EPB41L5: variants seen among roughly 807,000 people sequenced by gnomAD.
The protein encoded by EPB41L5 is band 4.1-like protein 5.
A neutral mutation model predicts 106.6 loss-of-function variants in EPB41L5; 55 were observed. The observed-to-expected ratio is 0.52, with a 90% CI of 0.42 to 0.65. The LOEUF (loss-of-function observed/expected upper bound fraction) is 0.65, where lower values mean the gene tolerates loss of function less well. Among genes scored for constraint, EPB41L5 ranks in the 30% least tolerant of loss-of-function variants. The pLI, the probability that EPB41L5 is intolerant of heterozygous loss-of-function variation, is 0.00. For synonymous variants in EPB41L5, 297 were observed against 306.7 expected (o/e 0.97, Z 0.33); for missense variants, 871 against 882.1 (o/e 0.99, Z 0.16).
intron 22 of EPB41L5, among the ~76,000 whole-genome samples, chr2:120,165,323 G>GT (rs1687343574): frequency 6.6e-6 from 1 of 152,138 alleles, no homozygotes; most frequent in Non-Finnish European, 1.5e-5. Flanking sequence ...ATCTGTGGGG[G>GT]ATTGGTTCCA....
chr2:120,053,921 T>A (rs945827351), intron 3 of EPB41L5, among the ~76,000 whole-genome samples: 3 of 152,058 alleles, frequency 2.0e-5, no homozygotes, highest in Non-Finnish European at 2.9e-5. Flanking sequence ...ATTAGCCAGG[T>A]GCGGTGGTGT....
intron 18 of EPB41L5, among the ~76,000 whole-genome samples, chr2:120,138,919 C>G (rs1686052193): frequency 6.6e-6 from 1 of 151,894 alleles, no homozygotes; most frequent in African/African-American, 2.4e-5. Context: ...CTCATAGTAC[C>G]TGACTTCAAA....
intron 2 of EPB41L5, among the ~76,000 whole-genome samples, chr2:120,027,961 C>G (rs1336484037): frequency 6.6e-6 from 1 of 151,988 alleles, no homozygotes; most frequent in Non-Finnish European, 1.5e-5. Flanking sequence ...CTCCTGGGTT[C>G]AAGCGATTCT....
At chr2:120,094,936 T>A (rs1683645175) in intron 14 of EPB41L5, among the ~76,000 whole-genome samples, 1 of 152,188 alleles carries the variant, frequency 6.6e-6, no homozygotes. Context: ...CCTTTAAACT[T>A]ATTGAGACTT....
At position 120,077,239 on chromosome 2, in the gene EPB41L5, C is replaced by T. The variant is rs1269244122; in HGVS notation, c.637C>T (p.Pro213Ser). The T allele has an allele frequency of 6.2e-7, 1 of 1,609,796 alleles. No individual in the cohort carries two copies. The highest frequency in any genetic ancestry group is 1.3e-5 in the African/African-American group (1 of 74,978). ...TGTTTTAAATTTCAGAGGTCAAACA[C>T]CAGCACAGGCTGAAACCAATTATCT... ...EKWKEYRGQT[P>S]AQAETNYLNK... is the part of the protein sequence containing the mutation. The change falls in exon 9 of 25, where the codon CCA becomes TCA. Residue 213 changes from proline to serine, a missense_variant. Physicochemically the swap from Pro to Ser is moderately conservative, Grantham distance 74. Transcript: ENST00000263713.
At chr2:120,151,255 A>G (rs1190866370) in intron 20 of EPB41L5, among the ~76,000 whole-genome samples, 1 of 151,990 alleles carries the variant, frequency 6.6e-6, no homozygotes, top group African/African-American at 2.4e-5. Flanking sequence ...AGCCGAGATC[A>G]CGCCACTGCA....
chr2:120,167,590 C>G, intron 23 of EPB41L5, 83 bp downstream of exon 23: 1 of 1,407,620 alleles, frequency 7.1e-7, no homozygotes. Context: ...TTTGTTTTTC[C>G]TTAAAAACAT....
intron 3 of EPB41L5, among the ~76,000 whole-genome samples, chr2:120,052,891 C>A (rs996559284): frequency 6.6e-6 from 1 of 152,284 alleles, no homozygotes; most frequent in South Asian, 2.1e-4. Flanking sequence ...TCTAACACTA[C>A]AGGGCTTCTT....
At chr2:120,017,829 C>T (rs1677626901) in intron 1 of EPB41L5, among the ~76,000 whole-genome samples, 1 of 152,112 alleles carries the variant, frequency 6.6e-6, no homozygotes, top group African/African-American at 2.4e-5. Context: ...ACAGAATCTC[C>T]CTCTGCCACC....
At chr2:120,148,867 A>G (rs1220783324) in intron 20 of EPB41L5, among the ~76,000 whole-genome samples, 2 of 152,160 alleles carry the variant, frequency 1.3e-5, no homozygotes, top group Non-Finnish European at 2.9e-5. Context: ...TCTCCTTAGT[A>G]TATACCTAGG....
chr2:120,166,460 G>GT (rs375453000), intron 22 of EPB41L5, among the ~76,000 whole-genome samples: 203 of 144,536 alleles, frequency 1.4e-3, no homozygotes, highest in African/African-American at 3.5e-3. Context: ...GATTTTGTGG[G>GT]TTTTTTTTTT....
At chr2:120,086,538 G>A (rs994106898) in intron 10 of EPB41L5, among the ~76,000 whole-genome samples, 3 of 152,130 alleles carry the variant, frequency 2.0e-5, no homozygotes, top group African/African-American at 7.2e-5. Flanking sequence ...AGGGTATGCG[G>A]ATCACTTGAG....
chr2:120,052,637 A>G (rs1318484626), intron 3 of EPB41L5, among the ~76,000 whole-genome samples: 14 of 152,226 alleles, frequency 9.2e-5, no homozygotes, highest in Non-Finnish European at 1.2e-4. Flanking sequence ...AGCTGCTTCA[A>G]GATGGCTTCT....
chr2:120,113,234 A>G (rs1246960698), intron 16 of EPB41L5, among the ~76,000 whole-genome samples: 2 of 152,222 alleles, frequency 1.3e-5, no homozygotes, highest in Non-Finnish European at 2.9e-5. Flanking sequence ...CAAATCATGT[A>G]TATATTAGTA....
intron 2 of EPB41L5, among the ~76,000 whole-genome samples, chr2:120,031,295 T>C (rs1678694355): frequency 6.6e-6 from 1 of 152,226 alleles, no homozygotes; most frequent in African/African-American, 2.4e-5. Context: ...GCAATTCCCC[T>C]GTCTTGATAA....
intron 3 of EPB41L5, among the ~76,000 whole-genome samples, chr2:120,053,859 C>T (rs561755777): frequency 3.3e-5 from 5 of 152,198 alleles, no homozygotes; most frequent in African/African-American, 7.2e-5. Context: ...CCCAGGAGTT[C>T]GAGACCAGCC....
chr2:120,106,797 C>T (rs536297395), intron 16 of EPB41L5: 30 of 985,280 alleles, frequency 3.0e-5, no homozygotes, highest in Admixed American at 1.8e-4. Flanking sequence ...CTTTTTGTTG[C>T]GTTTCAAAGG....
chr2:120,164,780 T>G, intron 21 of EPB41L5, 56 bp from the exon 22 acceptor site: 3 of 1,302,304 alleles, frequency 2.3e-6, no homozygotes, highest in East Asian at 4.6e-5. Context: ...TGGAAAAAAC[T>G]TAACATCTGA....
intron 16 of EPB41L5, among the ~76,000 whole-genome samples, chr2:120,119,788 A>G (rs921620656): frequency 1.1e-4 from 16 of 152,230 alleles, no homozygotes; most frequent in South Asian, 4.1e-4. Flanking sequence ...AAACAAGTCA[A>G]TATCCACAAT....
Sources: allele counts gnomAD v4.1 joint callset (sites outside exome capture counted in the v4.1 genomes callset), GRCh38; gene constraint gnomAD v4.1.1; transcripts MANE v1.5; gene names NCBI Gene and HGNC (gene_info 2026-07-23, HGNC 2026-07-21).